Variants in TYR observed in about 807,000 individuals in gnomAD.
TYR encodes the protein tyrosinase.
A neutral mutation model predicts 51.5 loss-of-function variants in TYR; 58 were observed. That is an observed-to-expected ratio of 1.13 (90% CI 0.91 to 1.40). The LOEUF (loss-of-function observed/expected upper bound fraction) is 1.40. TYR is among the 40% of genes most tolerant of loss of function. The pLI, the probability that TYR is intolerant of heterozygous loss-of-function variation, is 0.00. For synonymous variants in TYR, 263 were observed against 235.2 expected (o/e 1.12, Z -1.08); for missense variants, 732 against 647.4 (o/e 1.13, Z -1.42).
chr11:89,284,015 C>T (rs1235542525), intron 3 of TYR: 1 of 151,768 alleles, frequency 6.6e-6, no homozygotes, highest in Non-Finnish European at 1.5e-5. Context: ...ACACAGGGCA[C>T]TTGCTGGGCA....
intron 2 of TYR, among the ~76,000 whole-genome samples, chr11:89,215,355 G>A (rs746061079): frequency 5.5e-5 from 8 of 146,530 alleles, no homozygotes; most frequent in Non-Finnish European, 1.0e-4. Context: ...CACAGGATGG[G>A]GAACATCCCT....
chr11:89,289,183 C>T (rs1944828541), intron 4 of TYR, among the ~76,000 whole-genome samples: 1 of 152,014 alleles, frequency 6.6e-6, no homozygotes, highest in South Asian at 2.1e-4. Flanking sequence ...CAGAAAAACT[C>T]TGTTGAGAGC....
At position 89,295,447 on chromosome 11, in the gene TYR, T is replaced by C; in HGVS notation, c.*81T>C. ...AATGTCCAGGTTCCCAGAGAATATC[T>C]GCTGGTATTTTTCTGTAAAGACCAT... is the stretch of plus-strand genomic sequence containing the variant. On this transcript the variant is annotated 3_prime_UTR_variant, in exon 5 of 5. Coordinates refer to ENST00000263321, the MANE Select transcript of TYR (RefSeq NM_000372.5). The C allele has an allele frequency of 6.5e-7, 1 of 1,544,006 alleles. No homozygotes were observed. Among genetic ancestry groups the C allele is most frequent in the Non-Finnish European group, 8.8e-7 (1 of 1,135,242 alleles).
chr11:89,188,342 T>C (rs1943402647), intron 1 of TYR, among the ~76,000 whole-genome samples: 1 of 152,026 alleles, frequency 6.6e-6, no homozygotes. Flanking sequence ...GCCTGACACA[T>C]AGACATTTTA....
Position 89,274,750 on chromosome 11 carries a change from T to C in TYR, c.1185-10023T>C, listed in dbSNP as rs561280186. Among the ~76,000 whole-genome samples, 7 of 152,012 alleles carry C rather than the reference T, an allele frequency of 4.6e-5. No individual in the cohort carries two copies. The East Asian group carries it at 1.4e-3, about 30-fold the overall frequency. On this transcript the variant is annotated intron_variant, in intron 3 of 4. Transcript: ENST00000263321. ...AAGGCCAAAGTTAGGATGCCTTGTA[T>C]AAGCCTTTGTGCTTGTGGAAATTGG...
chr11:89,180,922 A>G (rs1330738857), intron 1 of TYR, among the ~76,000 whole-genome samples: 1 of 152,178 alleles, frequency 6.6e-6, no homozygotes, highest in Non-Finnish European at 1.5e-5. Context: ...CTCAATGTCA[A>G]AATCACCTAG....
At chr11:89,196,598 A>T (rs1185755306) in intron 2 of TYR, among the ~76,000 whole-genome samples, 1 of 152,202 alleles carries the variant, frequency 6.6e-6, no homozygotes, top group East Asian at 1.9e-4. Flanking sequence ...GAATAGTGTA[A>T]AATCAAATTA....
intron 2 of TYR, among the ~76,000 whole-genome samples, chr11:89,198,618 G>A (rs1411446741): frequency 6.6e-6 from 1 of 152,064 alleles, no homozygotes; most frequent in African/African-American, 2.4e-5. Flanking sequence ...CCTCACAACA[G>A]TCCTAGGACA....
intron 3 of TYR, among the ~76,000 whole-genome samples, chr11:89,266,976 T>TGG (rs961244838): frequency 6.6e-6 from 1 of 151,928 alleles, no homozygotes; most frequent in Non-Finnish European, 1.5e-5. Context: ...TCCTTTTGTC[T>TGG]GGGGGAAAGA....
intron 1 of TYR, among the ~76,000 whole-genome samples, chr11:89,189,587 T>A (rs2135251595): frequency 6.6e-6 from 1 of 152,260 alleles, no homozygotes; most frequent in Admixed American, 6.6e-5. Context: ...CTGTTGGTCA[T>A]GCCATGTGCT....
intron 1 of TYR, among the ~76,000 whole-genome samples, chr11:89,179,380 A>C (rs1362098148): frequency 6.6e-6 from 1 of 152,176 alleles, no homozygotes; most frequent in Non-Finnish European, 1.5e-5. Context: ...CCTGAGGCTT[A>C]AACAGGTAAA....
chr11:89,228,678 C>T (rs1944006289), intron 3 of TYR, among the ~76,000 whole-genome samples: 1 of 152,170 alleles, frequency 6.6e-6, no homozygotes, highest in African/African-American at 2.4e-5. Flanking sequence ...ATGATTAATT[C>T]TCCAGACAGA....
At chr11:89,284,502 G>C (rs1944757728) in intron 3 of TYR, among the ~76,000 whole-genome samples, 1 of 151,784 alleles carries the variant, frequency 6.6e-6, no homozygotes, top group African/African-American at 2.4e-5. Context: ...GCAGCATTCT[G>C]GAGGTTCAAA....
chr11:89,181,262 C>T (rs556163642), intron 1 of TYR, among the ~76,000 whole-genome samples: 4 of 152,116 alleles, frequency 2.6e-5, no homozygotes, highest in Admixed American at 6.5e-5. Context: ...GTGATCTGTC[C>T]GCCTCAGACT....
At chr11:89,182,911 G>A (rs559530208) in intron 1 of TYR, among the ~76,000 whole-genome samples, 2 of 152,158 alleles carry the variant, frequency 1.3e-5, no homozygotes, top group South Asian at 4.1e-4. Flanking sequence ...AGTGAATTGT[G>A]ACCAGGGAAT....
At chr11:89,198,140 A>T (rs1382784009) in intron 2 of TYR, among the ~76,000 whole-genome samples, 1 of 152,096 alleles carries the variant, frequency 6.6e-6, no homozygotes, top group Non-Finnish European at 1.5e-5. Context: ...GCCAGCTGGA[A>T]AACTACAATG....
chr11:89,247,935 C>G (rs943896565), intron 3 of TYR, among the ~76,000 whole-genome samples: 7 of 152,210 alleles, frequency 4.6e-5, no homozygotes, highest in Admixed American at 3.3e-4. Flanking sequence ...GAACAGAGCT[C>G]TAAAGTAAAT....
rs571810545 is a variant in TYR at position 89,178,483 on chromosome 11, T to A, written c.530T>A (p.Val177Asp). The A allele has an allele frequency of 1.2e-6, 2 of 1,614,222 alleles. No homozygotes were observed. Among genetic ancestry groups the A allele is most frequent in the South Asian group, 2.2e-5 (2 of 91,084 alleles). ...FNDINIYDLF[V>D]WMHYYVSMDA... is the part of the protein sequence containing the mutation. ...GACATCAATATTTATGACCTCTTTG[T>A]CTGGATGCATTATTATGTGTCAATG... Residue 177 changes from valine to aspartate, a missense_variant, in exon 1 of 5, where the codon GTC becomes GAC. Coordinates refer to ENST00000263321, the MANE Select transcript of TYR (RefSeq NM_000372.5).
intron 2 of TYR, among the ~76,000 whole-genome samples, chr11:89,194,854 C>A (rs1392718798): frequency 6.6e-6 from 1 of 152,150 alleles, no homozygotes; most frequent in South Asian, 2.1e-4. Context: ...TTAAAACACA[C>A]ATTCTCTCTG....
Sources: allele counts gnomAD v4.1 joint callset (sites outside exome capture counted in the v4.1 genomes callset), GRCh38; gene constraint gnomAD v4.1.1; transcripts MANE v1.5; gene names NCBI Gene and HGNC (gene_info 2026-07-23, HGNC 2026-07-21).